The following PTPN14 variants were observed in gnomAD, a reference collection of about 807,000 sequenced individuals.
PTPN14 encodes protein tyrosine phosphatase non-receptor type 14.
Under a neutral mutation model 126.8 loss-of-function variants are expected in PTPN14, and 53 were observed. That is an observed-to-expected ratio of 0.42 (90% CI 0.34 to 0.53). The LOEUF is 0.53. PTPN14 is among the 20% of genes least tolerant of loss of function. The pLI, the probability that PTPN14 is intolerant of heterozygous loss-of-function variation, is 0.08. For missense variants in PTPN14, 1,257 were observed against 1,552.9 expected (o/e 0.81, Z 3.20); for synonymous variants, 630 against 599.3 (o/e 1.05, Z -0.75).
intron 3 of PTPN14, among the ~76,000 whole-genome samples, chr1:214,445,249 T>C (rs1198526337): frequency 6.6e-6 from 1 of 152,082 alleles, no homozygotes; most frequent in African/African-American, 2.4e-5. Flanking sequence ...ATCCACCAGA[T>C]AGAGGGTACT....
At chr1:214,520,047 C>CAAAAAAAAA (rs1183768381) in intron 1 of PTPN14, among the ~76,000 whole-genome samples, 3 of 80,750 alleles carry the variant, frequency 3.7e-5, no homozygotes, top group South Asian at 5.6e-4. Flanking sequence ...AACCCTGTCT[C>CAAAAAAAAA]AAAAAAAAAA....
chr1:214,375,156 A>G (rs1171428858), intron 15 of PTPN14, among the ~76,000 whole-genome samples: 2 of 152,192 alleles, frequency 1.3e-5, no homozygotes, highest in Non-Finnish European at 1.5e-5. Flanking sequence ...TTATCTGTGT[A>G]TATTAATAAA....
chr1:214,537,929 C>A (rs991190670), intron 1 of PTPN14, among the ~76,000 whole-genome samples: 1 of 152,084 alleles, frequency 6.6e-6, no homozygotes, highest in Non-Finnish European at 1.5e-5. Flanking sequence ...TCAATATACA[C>A]AAAATATTAT....
intron 5 of PTPN14, among the ~76,000 whole-genome samples, chr1:214,406,478 GAA>G (rs551324659): frequency 8.6e-6 from 1 of 116,444 alleles, no homozygotes. Context: ...GAGATTGTCT[GAA>G]AAAAAAAAAA....
chr1:214,487,085 A>G (rs1661131258), intron 1 of PTPN14, among the ~76,000 whole-genome samples: 1 of 152,182 alleles, frequency 6.6e-6, no homozygotes, highest in African/African-American at 2.4e-5. Context: ...AATGAACTGC[A>G]TTGCATCCAC....
intron 1 of PTPN14, among the ~76,000 whole-genome samples, chr1:214,489,164 A>C (rs967423356): frequency 2.1e-4 from 32 of 152,212 alleles, no homozygotes; most frequent in African/African-American, 7.5e-4. Context: ...TGATGTGTCA[A>C]GCATGGTGTT....
At chr1:214,440,720 T>C (rs562862427) in intron 3 of PTPN14, among the ~76,000 whole-genome samples, 1 of 152,330 alleles carries the variant, frequency 6.6e-6, no homozygotes, top group East Asian at 1.9e-4. Context: ...TGAGATGCAC[T>C]TCAAGTTATA....
At chr1:214,495,884 G>A (rs1241210975) in intron 1 of PTPN14, among the ~76,000 whole-genome samples, 1 of 152,014 alleles carries the variant, frequency 6.6e-6, no homozygotes, top group African/African-American at 2.4e-5. Context: ...AGTAGAGACA[G>A]GGTTTCACCA....
chr1:214,375,375 T>A (rs1046867033), intron 15 of PTPN14, among the ~76,000 whole-genome samples: 1 of 152,232 alleles, frequency 6.6e-6, no homozygotes, highest in Admixed American at 6.5e-5. Context: ...CACAGTGGAC[T>A]ATCAATTGAA....
chr1:214,430,810 A>G (rs959219493), intron 3 of PTPN14, among the ~76,000 whole-genome samples: 1 of 152,202 alleles, frequency 6.6e-6, no homozygotes, highest in Non-Finnish European at 1.5e-5. Flanking sequence ...CATGAAAGGT[A>G]CCTTCAGCTG....
intron 2 of PTPN14, among the ~76,000 whole-genome samples, chr1:214,461,242 A>G (rs1660504269): frequency 6.6e-6 from 1 of 152,242 alleles, no homozygotes; most frequent in Admixed American, 6.5e-5. Context: ...ATCCTTTCCT[A>G]ATATAAAGCT....
chr1:214,425,463 A>G (rs1207159714), intron 3 of PTPN14, among the ~76,000 whole-genome samples: 1 of 152,232 alleles, frequency 6.6e-6, no homozygotes, highest in Non-Finnish European at 1.5e-5. Flanking sequence ...TACTGATCAA[A>G]CAACTTAATT....
At chr1:214,452,785 G>A (rs1660299960) in intron 2 of PTPN14, among the ~76,000 whole-genome samples, 1 of 152,160 alleles carries the variant, frequency 6.6e-6, no homozygotes, top group Admixed American at 6.5e-5. Context: ...TAGGATTTCA[G>A]GATTAGCACA....
intron 3 of PTPN14, among the ~76,000 whole-genome samples, chr1:214,437,007 T>G (rs1340090742): frequency 3.4e-5 from 2 of 58,912 alleles, no homozygotes; most frequent in Admixed American, 3.7e-4. Context: ...CAAGCCTCTC[T>G]GTATTTTTTT....
intron 3 of PTPN14, among the ~76,000 whole-genome samples, chr1:214,417,433 A>T (rs1659451392): frequency 6.6e-6 from 1 of 152,176 alleles, no homozygotes; most frequent in South Asian, 2.1e-4. Context: ...CGATGGTAAG[A>T]AAATAAGTGA....
At chr1:214,442,430 A>ATGGC (rs1483962425) in intron 3 of PTPN14, among the ~76,000 whole-genome samples, 1 of 152,228 alleles carries the variant, frequency 6.6e-6, no homozygotes, top group African/African-American at 2.4e-5. Context: ...TGTTTTTCTA[A>ATGGC]TGGCTAAAAC....
At chr1:214,477,474 CA>C (rs1660893332) in intron 1 of PTPN14, among the ~76,000 whole-genome samples, 1 of 152,202 alleles carries the variant, frequency 6.6e-6, no homozygotes, top group Admixed American at 6.5e-5. Context: ...ACACTTGGAA[CA>C]ACTTATGTTG....
intron 1 of PTPN14, chr1:214,530,484 G>A (rs1349698162): frequency 6.6e-6 from 1 of 151,968 alleles, no homozygotes; most frequent in Non-Finnish European, 1.5e-5. Context: ...TGGGACTACA[G>A]GGGTGCACCA....
intron 2 of PTPN14, among the ~76,000 whole-genome samples, chr1:214,452,301 C>CTG (rs1486339901): frequency 6.6e-6 from 1 of 152,242 alleles, no homozygotes; most frequent in Non-Finnish European, 1.5e-5. Context: ...ACTGCCTTTT[C>CTG]TGTGTGCCTT....
Sources: gnomAD v4.1 joint callset for allele counts (sites outside exome capture counted in the v4.1 genomes callset) on GRCh38, gnomAD v4.1.1 for gene constraint, MANE v1.5 for transcripts, NCBI Gene and HGNC (gene_info 2026-07-23, HGNC 2026-07-21) for gene names.